Variants in ZNF850 observed in about 807,000 individuals in gnomAD.
ZNF850 encodes putative zinc finger protein ENSP00000330994.
ZNF850 carries 2 observed loss-of-function variants against 11.9 expected under a neutral mutation model. That is an observed-to-expected ratio of 0.17 (90% CI 0.07 to 0.53). The LOEUF (loss-of-function observed/expected upper bound fraction) is 0.53, where lower values mean the gene tolerates loss of function less well. ZNF850 is among the 20% of genes least tolerant of loss of function. The pLI, the probability that ZNF850 is intolerant of heterozygous loss-of-function variation, is 0.94. For missense variants in ZNF850, 1,014 were observed against 1,316.4 expected (o/e 0.77, Z 3.55); for synonymous variants, 381 against 443.0 (o/e 0.86, Z 1.76).
chr19:36,756,735 T>C (rs1398389785), intron 4 of ZNF850, among the ~76,000 whole-genome samples: 1 of 152,158 alleles, frequency 6.6e-6, no homozygotes, highest in Non-Finnish European at 1.5e-5. Context: ...TGCCTCAGCC[T>C]CCCAAGTAGC....
rs371950682 is a variant in ZNF850 at position 36,745,179 on chromosome 19, A to AAG, written c.*2587_*2588insCT. The AAG allele has an allele frequency of 2.7e-5, 4 of 150,734 alleles. No individual in the cohort carries two copies. Among genetic ancestry groups the AAG allele is most frequent in the Non-Finnish European group, 4.4e-5 (3 of 67,656 alleles). 9.3% of individuals were successfully genotyped at this position (150,734 alleles called of 1,614,324 possible). On this transcript the variant is annotated 3_prime_UTR_variant, in exon 5 of 5. Coordinates refer to ENST00000591344, the MANE Select transcript of ZNF850 (RefSeq NM_001193552.2). ...CCTTAAAATAACCTTCTTAAAAGAT[A>AAG]TGTGTGTGTGTGTGTGTGTATATAA...
At chr19:36,761,971 G>T (rs1389104340) in intron 3 of ZNF850, among the ~76,000 whole-genome samples, 1 of 149,654 alleles carries the variant, frequency 6.7e-6, no homozygotes, top group Non-Finnish European at 1.5e-5. Flanking sequence ...GCTTGAACCC[G>T]AGAGACGGAG....
In ZNF850 at chr19:36,750,647, A is replaced by G; in HGVS notation, c.393T>C (p.Asp131=). The change falls in exon 5 of 5, where the codon GAT becomes GAC. Residue 131 remains aspartate (D), a synonymous_variant. Coordinates refer to ENST00000591344, the MANE Select transcript of ZNF850 (RefSeq NM_001193552.2). The part of the protein sequence containing the change: ...WECKGQFQHQ[D]INQERYLEKA... ...TTTCCAAATATCGCTCCTGATTTATATCTTGGTGCTGAAACTGGCCTTTGC... is the reference window on the plus strand; with the variant it reads ...TTTCCAAATATCGCTCCTGATTTATGTCTTGGTGCTGAAACTGGCCTTTGC... The G allele has an allele frequency of 6.5e-7, 1 of 1,536,128 alleles. No homozygotes were observed. Among genetic ancestry groups the G allele is most frequent in the Non-Finnish European group, 8.7e-7 (1 of 1,146,918 alleles).
Position 36,750,310 on chromosome 19 carries a change from G to A in ZNF850, c.730C>T (p.Gln244Ter). 1 of 1,536,584 alleles carries A rather than the reference G, an allele frequency of 6.5e-7. No homozygotes were observed. The change falls in exon 5 of 5, where the codon CAG becomes TAG. Residue 244 changes from glutamine (Q) to a stop codon, truncating the protein, a stop_gained. Transcript: ENST00000591344. LOFTEE classifies it low-confidence loss of function (END_TRUNC). The stretch of plus-strand genomic sequence containing the variant: ...GGTCTCTCATCTGTATACATTTTCT[G>A]GTGTTGAATAAGATGTGAGCCAGAA... The part of the protein sequence containing the change: ...FISGSHLIQH[Q>*]KMYTDERPHE...
chr19:36,765,005 G>T (rs1476408831), intron 1 of ZNF850, among the ~76,000 whole-genome samples: 2 of 151,864 alleles, frequency 1.3e-5, no homozygotes, highest in Non-Finnish European at 2.9e-5. Context: ...TTTCTAACTT[G>T]CCCCCTGTAT....
At chr19:36,761,269 G>C (rs753673535) in intron 4 of ZNF850, among the ~76,000 whole-genome samples, 1 of 151,836 alleles carries the variant, frequency 6.6e-6, no homozygotes, top group African/African-American at 2.4e-5. Context: ...GTAAAACCCC[G>C]TCTCTACTGA....
chr19:36,762,666 A>G lies in ZNF850; in HGVS notation c.-60T>C. On this transcript the variant is annotated 5_prime_UTR_variant, in exon 2 of 5. The change abolishes an upstream ATG in the 5' untranslated region. Coordinates refer to ENST00000591344, the MANE Select transcript of ZNF850 (RefSeq NM_001193552.2). ...TAGAATGGGACATTCCGAATATTCCATGGTTAGAGCTGGGAATGAATAAAA... is the reference window on the plus strand; with the variant it reads ...TAGAATGGGACATTCCGAATATTCCGTGGTTAGAGCTGGGAATGAATAAAA... 1 of 1,485,830 alleles carries G rather than the reference A, an allele frequency of 6.7e-7. No homozygotes were observed. The highest frequency in any genetic ancestry group is 9.1e-7 in the Non-Finnish European group (1 of 1,101,182). 92.0% of individuals were successfully genotyped at this position (1,485,830 alleles called of 1,614,324 possible).
At chr19:36,763,127 G>A (rs2040529259) in intron 1 of ZNF850, among the ~76,000 whole-genome samples, 1 of 152,106 alleles carries the variant, frequency 6.6e-6, no homozygotes, top group African/African-American at 2.4e-5. Flanking sequence ...CTGGGCTCAA[G>A]CAATCTACCT....
chr19:36,762,705 T>G (rs1046153118), intron 1 of ZNF850, 30 bp from the exon 2 acceptor site: 35 of 1,275,734 alleles, frequency 2.7e-5, no homozygotes, highest in Non-Finnish European at 3.8e-5. Context: ...ATTGATATAT[T>G]ATTTCCCAAA....
At chr19:36,756,036 G>A (rs919077695) in intron 4 of ZNF850, among the ~76,000 whole-genome samples, 1 of 150,990 alleles carries the variant, frequency 6.6e-6, no homozygotes, top group Admixed American at 6.7e-5. Flanking sequence ...ATCCCTAGTA[G>A]CTGGGATTAC....
chr19:36,770,718 A>AGCC (rs1439777744), intron 1 of ZNF850, among the ~76,000 whole-genome samples: 2 of 73,232 alleles, frequency 2.7e-5, no homozygotes, highest in East Asian at 3.1e-4. Flanking sequence ...AAAAAAAAAA[A>AGCC]AAAAAAAAAA....
Position 36,749,407 on chromosome 19 carries a change from G to A in ZNF850, c.1633C>T (p.Arg545Cys), listed in dbSNP as rs749548582. 2.1e-5 allele frequency: 32 copies of A among 1,545,856 alleles called. No homozygotes were observed. Among genetic ancestry groups the A allele is most frequent in the East Asian group, 1.2e-4 (5 of 41,252 alleles). ...CKECGKSFTF[R>C]SGLIGHQAVH... The stretch of plus-strand genomic sequence containing the variant: ...GCCTGATGTCCAATTAGCCCTGAGC[G>A]AAAAGTAAAAGATTTTCCACATTCC... The change falls in exon 5 of 5, where the codon CGC becomes TGC. Residue 545 changes from arginine (R) to cysteine (C), a missense_variant. Arg to Cys is a radical substitution (Grantham distance 180). Around this residue, in one of 2 missense-constraint regions of ZNF850, gnomAD observed 835 missense variants for 1,022.0 expected, o/e 0.82. Transcript: ENST00000591344.
At chr19:36,753,031 A>C (rs955704568) in intron 4 of ZNF850, among the ~76,000 whole-genome samples, 54 of 152,186 alleles carry the variant, frequency 3.5e-4, no homozygotes, top group African/African-American at 1.3e-3. Context: ...GCACTTTGGG[A>C]GTCTGAGGCA....
At chr19:36,762,259 A>T in intron 3 of ZNF850, 46 bp downstream of exon 3, 1 of 1,447,484 alleles carries the variant, frequency 6.9e-7, no homozygotes, top group Non-Finnish European at 9.1e-7. Context: ...GACAATTGAA[A>T]GCTACACCCA....
Position 36,750,070 on chromosome 19 carries a change from G to A in ZNF850, c.970C>T (p.Leu324=), listed in dbSNP as rs2040443105. Residue 324 remains leucine, a synonymous_variant, in exon 5 of 5, where the codon CTA becomes TTA. Coordinates refer to ENST00000591344, the MANE Select transcript of ZNF850 (RefSeq NM_001193552.2). ...CGKSFTVGST[L]IRHQQIHTGE... is the part of the protein sequence containing the mutation. ...GTGTGAATTTGCTGGTGTCGAATTA[G>A]TGTTGAGCCAACAGTAAAAGATTTT... The A allele has an allele frequency of 2.6e-6, 4 of 1,539,312 alleles. No individual in the cohort carries two copies. Among genetic ancestry groups the A allele is most frequent in the Non-Finnish European group, 2.6e-6 (3 of 1,147,074 alleles).
chr19:36,762,040 T>C (rs571301542), intron 3 of ZNF850, among the ~76,000 whole-genome samples: 148 of 119,636 alleles, frequency 1.2e-3, no homozygotes, highest in African/African-American at 4.5e-3. Flanking sequence ...AGTGAGACTT[T>C]GTCTCAAAAA....
intron 4 of ZNF850, among the ~76,000 whole-genome samples, chr19:36,751,795 A>G: frequency 6.6e-6 from 1 of 151,872 alleles, no homozygotes; most frequent in Non-Finnish European, 1.5e-5. Context: ...GGAAAGGTAA[A>G]TAATAATAAC....
chr19:36,748,522 G>A lies in ZNF850; in HGVS notation c.2518C>T (p.Arg840Cys), dbSNP rs547873464. The stretch of plus-strand genomic sequence containing the variant: ...TTCCCACATTCTTTACAACTGTAGC[G>A]TTTCTCACCAGTGTGAACTGGCCGA... ...QHRPVHTGEKRYSCKECGKSF... is the reference protein window; with the variant it reads ...QHRPVHTGEKCYSCKECGKSF... The change falls in exon 5 of 5, where the codon CGC becomes TGC. Residue 840 changes from arginine (R) to cysteine (C), a missense_variant. By Grantham distance (180) the Arg-to-Cys change is radical (BLOSUM62 -3). Transcript: ENST00000591344. 1.9e-4 allele frequency: 291 copies of A among 1,537,838 alleles called. No individual in the cohort carries two copies. The highest frequency in any genetic ancestry group is 2.3e-4 in the Non-Finnish European group (269 of 1,147,048).
rs1219351353 is a variant in ZNF850 at position 36,749,541 on chromosome 19, G to C, written c.1499C>G (p.Thr500Ser). The change falls in exon 5 of 5, where the codon ACT (threonine) becomes AGT (serine). Residue 500 changes from threonine (T) to serine (S), a missense_variant. Physicochemically the swap from Thr to Ser is moderately conservative, Grantham distance 58 (BLOSUM62 1). Transcript: ENST00000591344. ...STRNRHQRIHTGEKPYNCKEC... is the reference protein window; with the variant it reads ...STRNRHQRIHSGEKPYNCKEC... Reference sequence around the variant, plus strand: ...TTTACAATTATAGGGTTTCTCACCAGTGTGGATTCGCTGGTGTCGATTGCG... The same window carrying C: ...TTTACAATTATAGGGTTTCTCACCACTGTGGATTCGCTGGTGTCGATTGCG... The C allele has an allele frequency of 1.9e-6, 3 of 1,546,048 alleles. No homozygotes were observed. In the East Asian group the frequency reaches 7.3e-5, roughly 38 times the overall value.
Sources: allele counts gnomAD v4.1 joint callset (sites outside exome capture counted in the v4.1 genomes callset), GRCh38; gene constraint gnomAD v4.1.1; regional missense constraint gnomAD v4.1.1; transcripts MANE v1.5; gene names NCBI Gene and HGNC (gene_info 2026-07-23, HGNC 2026-07-21).